The following ABHD12B variants were observed in gnomAD, a reference collection of about 807,000 sequenced individuals.
The protein encoded by ABHD12B is abhydrolase domain containing 12B, also known as protein ABHD12B.
ABHD12B carries 42 observed loss-of-function variants against 50.4 expected under a neutral mutation model. The observed-to-expected ratio is 0.83, with a 90% CI of 0.65 to 1.08. The LOEUF is 1.08. Among genes scored for constraint, ABHD12B ranks in the 50% least tolerant of loss-of-function variants. ABHD12B has a pLI of 0.00. For synonymous variants in ABHD12B, 167 were observed against 160.3 expected, an observed-to-expected ratio of 1.04 and a Z score of -0.32; for missense variants, 479 against 447.7, an observed-to-expected ratio of 1.07 and a Z score of -0.63.
chr14:50,895,945 C>G (rs188896084), intron 9 of ABHD12B, among the ~76,000 whole-genome samples: 360 of 140,884 alleles, frequency 2.6e-3, no homozygotes, highest in Admixed American at 4.8e-3. Context: ...GGCTGAGACA[C>G]TTTAACTAAA....
intron 9 of ABHD12B, among the ~76,000 whole-genome samples, chr14:50,900,346 C>T (rs1447384515): frequency 6.6e-6 from 1 of 152,172 alleles, no homozygotes; most frequent in Non-Finnish European, 1.5e-5. Flanking sequence ...GCACAATAGA[C>T]TCATTTTGTC....
At position 50,879,645 on chromosome 14, in the gene ABHD12B, C is replaced by T. The variant is rs569293910; in HGVS notation, c.335+798C>T. The stretch of plus-strand genomic sequence containing the variant: ...TAAAATGTTTAGGACAAACCCATAA[C>T]TTCTTCCTACTCTTCAGGGTACAGT... On this transcript the variant is annotated intron_variant, in intron 3 of 12. Coordinates refer to ENST00000337334, the MANE Select transcript of ABHD12B (RefSeq NM_001206673.2). 1.3e-5 allele frequency among the ~76,000 whole-genome samples: 2 copies of T among 152,354 alleles called. 1 individual carries two copies. The highest frequency in any genetic ancestry group is 4.8e-5 in the African/African-American group (2 of 41,574).
At chr14:50,886,815 G>A in intron 8 of ABHD12B, 131 bp downstream of exon 8, 1 of 707,506 alleles carries the variant, frequency 1.4e-6, no homozygotes, top group Admixed American at 3.0e-5. Flanking sequence ...GTTTCTGGCA[G>A]TGCAACAGGC....
chr14:50,904,395 AG>A lies in ABHD12B; in HGVS notation c.*30del. The stretch of plus-strand genomic sequence containing the variant: ...TGGGAGGAGTGGAAATCTTCAATGA[AG>A]ACTTGGCCCAAACACCACCTGTGAT... On this transcript the variant is annotated 3_prime_UTR_variant, in exon 13 of 13. Transcript: ENST00000337334. The A allele has an allele frequency of 6.2e-7, 1 of 1,613,736 alleles. No homozygotes were observed. Among genetic ancestry groups the A allele is most frequent in the Non-Finnish European group, 8.5e-7 (1 of 1,179,836 alleles).
intron 1 of ABHD12B, 132 bp downstream of exon 1, chr14:50,872,410 C>T: frequency 1.7e-6 from 1 of 597,874 alleles, no homozygotes; most frequent in Non-Finnish European, 2.4e-6. Context: ...AGCATTGTGG[C>T]TTCCGGGGGA....
intron 11 of ABHD12B, 83 bp downstream of exon 11, chr14:50,903,550 C>A: frequency 8.7e-7 from 1 of 1,149,360 alleles, no homozygotes; most frequent in Non-Finnish European, 1.3e-6. Flanking sequence ...TGATTAGAGC[C>A]GAAAGGAGGG....
At chr14:50,884,428 T>A (rs1201518448) in intron 5 of ABHD12B, among the ~76,000 whole-genome samples, 1 of 152,236 alleles carries the variant, frequency 6.6e-6, no homozygotes, top group Non-Finnish European at 1.5e-5. Context: ...AAGTTCCTAA[T>A]GAGGTTTTGC....
chr14:50,879,220 CT>C (rs2049905386), intron 3 of ABHD12B, among the ~76,000 whole-genome samples: 1 of 152,304 alleles, frequency 6.6e-6, no homozygotes, highest in South Asian at 2.1e-4. Flanking sequence ...GTCTACTCAT[CT>C]ATTGGATCTT....
chr14:50,904,769 C>T lies in ABHD12B; in HGVS notation c.*403C>T. On this transcript the variant is annotated 3_prime_UTR_variant, in exon 13 of 13. Transcript: ENST00000337334. ...GATGGTAATAGGAGGTGGGACTGAG[C>T]TCTGATGAATGAGATTAGTGCCCTT... 1 of 281,544 alleles carries T rather than the reference C, an allele frequency of 3.6e-6. No individual in the cohort carries two copies. Among genetic ancestry groups the T allele is most frequent in the South Asian group, 4.4e-5 (1 of 22,892 alleles). 17.4% of individuals were successfully genotyped at this position (281,544 alleles called of 1,614,324 possible).
chr14:50,902,646 T>C (rs946512355), intron 10 of ABHD12B, among the ~76,000 whole-genome samples: 4 of 152,260 alleles, frequency 2.6e-5, no homozygotes, highest in Non-Finnish European at 5.9e-5. Flanking sequence ...AGTTAGAGAA[T>C]TTAAGAATGC....
At chr14:50,883,383 C>T (rs924475200) in intron 5 of ABHD12B, among the ~76,000 whole-genome samples, 1 of 152,206 alleles carries the variant, frequency 6.6e-6, no homozygotes, top group African/African-American at 2.4e-5. Flanking sequence ...AGACAGGAAG[C>T]TCCTCTCCTG....
chr14:50,881,482 G>T, intron 4 of ABHD12B, 114 bp from the exon 5 acceptor site: 3 of 1,099,880 alleles, frequency 2.7e-6, no homozygotes, highest in Non-Finnish European at 3.8e-6. Context: ...CCTCCAACCT[G>T]AAAGAGAAAG....
At position 50,888,841 on chromosome 14, in the gene ABHD12B, A is replaced by G. The variant is rs368912231; in HGVS notation, c.718A>G (p.Ile240Val). The G allele has an allele frequency of 6.2e-7, 1 of 1,613,896 alleles. No homozygotes were observed. ...LEEKGCPVDAIVLEAPFTNMW... is the reference protein window; with the variant it reads ...LEEKGCPVDAVVLEAPFTNMW... ...ATTTCAAGGATGCCCAGTTGATGCT[A>G]TTGTCTTGGAAGCTCCATTTACCAA... The change falls in exon 9 of 13, where the codon ATT becomes GTT. Residue 240 changes from isoleucine (I) to valine (V), a missense_variant. Transcript: ENST00000337334.
At chr14:50,892,904 G>A (rs2050137735) in intron 9 of ABHD12B, 1 of 152,090 alleles carries the variant, frequency 6.6e-6, no homozygotes, top group Non-Finnish European at 1.5e-5. Context: ...GGATTATTTA[G>A]AAGTATGATT....
At chr14:50,895,773 CCTT>C (rs1418745268) in intron 9 of ABHD12B, 1 of 152,168 alleles carries the variant, frequency 6.6e-6, no homozygotes. Context: ...CTCCCCATTA[CCTT>C]CTTTTCAAGG....
chr14:50,894,198 C>T (rs1280548139), intron 9 of ABHD12B, among the ~76,000 whole-genome samples: 1 of 138,148 alleles, frequency 7.2e-6, no homozygotes, highest in Non-Finnish European at 1.5e-5. Context: ...TGGCAAGTCC[C>T]GCTTTCCTGG....
At position 50,904,076 on chromosome 14, in the gene ABHD12B, C is replaced by G. The variant is rs774490051; in HGVS notation, c.945C>G (p.Leu315=). ...GAGTCTCTTTCTGTCGCTTGCAGCT[C>G]TATGAAATTGCACGCAATGCATACA... ...RTVPLEYGKK[L]YEIARNAYRN... Residue 315 remains leucine, a splice_region_variant and synonymous_variant, in exon 12 of 13, where the codon CTC becomes CTG. Coordinates refer to ENST00000337334, the MANE Select transcript of ABHD12B (RefSeq NM_001206673.2). 1.9e-6 allele frequency: 3 copies of G among 1,611,784 alleles called. No individual in the cohort carries two copies. Among genetic ancestry groups the G allele is most frequent in the Non-Finnish European group, 1.7e-6 (2 of 1,178,814 alleles).
intron 3 of ABHD12B, among the ~76,000 whole-genome samples, chr14:50,879,219 T>C (rs934204996): frequency 1.3e-5 from 2 of 152,224 alleles, no homozygotes; most frequent in Non-Finnish European, 1.5e-5. Flanking sequence ...TGTCTACTCA[T>C]CTATTGGATC....
At chr14:50,889,723 C>T (rs186328961) in intron 9 of ABHD12B, among the ~76,000 whole-genome samples, 58 of 152,284 alleles carry the variant, frequency 3.8e-4, no homozygotes, top group Non-Finnish European at 7.1e-4. Flanking sequence ...TAGAGTTGTA[C>T]GTACGTGTAA....
Sources: gnomAD v4.1 joint callset for allele counts (sites outside exome capture counted in the v4.1 genomes callset) on GRCh38, gnomAD v4.1.1 for gene constraint, MANE v1.5 for transcripts, NCBI Gene and HGNC (gene_info 2026-07-23, HGNC 2026-07-21) for gene names.